The following ACVR1 variants were observed in gnomAD, a reference collection of about 807,000 sequenced individuals.
ACVR1 encodes the protein activin receptor type-1.
A neutral mutation model predicts 57.1 loss-of-function variants in ACVR1; 38 were observed. The observed-to-expected ratio is 0.67, with a 90% CI of 0.51 to 0.87. ACVR1 has a LOEUF of 0.87. ACVR1 is among the 40% of genes least tolerant of loss of function. The pLI is 0.00. For synonymous variants in ACVR1, 212 were observed against 228.1 expected (o/e 0.93, Z 0.63); for missense variants, 463 against 638.2 (o/e 0.73, Z 2.96).
intron 9 of ACVR1, among the ~76,000 whole-genome samples, chr2:157,754,968 TA>T (rs1416793240): frequency 7.9e-5 from 12 of 152,258 alleles, no homozygotes; most frequent in Admixed American, 3.3e-4. Flanking sequence ...TGCAAGTCAA[TA>T]AATGTCATAC....
chr2:157,761,425 T>C (rs1381276843), intron 8 of ACVR1, among the ~76,000 whole-genome samples: 2 of 152,198 alleles, frequency 1.3e-5, no homozygotes, highest in Non-Finnish European at 2.9e-5. Flanking sequence ...TCTAAGTGGC[T>C]TAACAAGAAG....
intron 1 of ACVR1, among the ~76,000 whole-genome samples, chr2:157,822,131 T>G (rs1253598006): frequency 6.6e-6 from 1 of 152,162 alleles, no homozygotes. Flanking sequence ...ACCAAATAAA[T>G]CAAGGTGTAT....
intron 1 of ACVR1, among the ~76,000 whole-genome samples, chr2:157,824,112 T>G (rs572534782): frequency 6.6e-6 from 1 of 152,100 alleles, no homozygotes; most frequent in African/African-American, 2.4e-5. Context: ...ATTACCAGGG[T>G]TGAATTATTA....
chr2:157,861,849 A>G (rs1488770984), intron 1 of ACVR1, among the ~76,000 whole-genome samples: 2 of 152,288 alleles, frequency 1.3e-5, no homozygotes, highest in African/African-American at 2.4e-5. Context: ...TTTAACTTCA[A>G]CTGATGTGAA....
chr2:157,866,116 T>TACTG, intron 1 of ACVR1, among the ~76,000 whole-genome samples: 1 of 152,208 alleles, frequency 6.6e-6, no homozygotes. Flanking sequence ...GAACTCATAT[T>TACTG]ACTGTGCACA....
chr2:157,855,302 G>A (rs368581537), intron 1 of ACVR1, among the ~76,000 whole-genome samples: 3,839 of 64,884 alleles, frequency 0.059, 83 homozygotes, highest in African/African-American at 0.12. Flanking sequence ...GTGTGTGTGT[G>A]TGTGTGTATA....
chr2:157,756,329 G>C (rs1428271846), intron 9 of ACVR1, among the ~76,000 whole-genome samples: 1 of 151,942 alleles, frequency 6.6e-6, no homozygotes, highest in Non-Finnish European at 1.5e-5. Context: ...TAATTAAAGA[G>C]CTTCTGCACA....
At chr2:157,844,994 A>G (rs1053655888) in intron 1 of ACVR1, among the ~76,000 whole-genome samples, 7 of 152,202 alleles carry the variant, frequency 4.6e-5, no homozygotes, top group African/African-American at 1.7e-4. Context: ...ATAAGTGTCT[A>G]TTGTTTATAA....
At chr2:157,801,720 T>C (rs537258407) in intron 2 of ACVR1, among the ~76,000 whole-genome samples, 23 of 152,366 alleles carry the variant, frequency 1.5e-4, no homozygotes, top group African/African-American at 5.3e-4. Context: ...ATGTATGTTT[T>C]ATAATATGTA....
intron 3 of ACVR1, chr2:157,790,328 G>A (rs2105293873): frequency 6.6e-6 from 1 of 152,286 alleles, no homozygotes; most frequent in South Asian, 2.1e-4. Context: ...AGCTGCCAGG[G>A]CAACCAGCTG....
At chr2:157,848,179 A>AG (rs2105362033) in intron 1 of ACVR1, among the ~76,000 whole-genome samples, 1 of 152,314 alleles carries the variant, frequency 6.6e-6, no homozygotes, top group South Asian at 2.1e-4. Flanking sequence ...TCTCATCAAG[A>AG]GGTGGGATCT....
At chr2:157,860,480 G>A (rs1689682578) in intron 1 of ACVR1, among the ~76,000 whole-genome samples, 1 of 152,322 alleles carries the variant, frequency 6.6e-6, no homozygotes, top group South Asian at 2.1e-4. Flanking sequence ...GAACACCCTA[G>A]GGATATTCCA....
At chr2:157,846,405 C>G (rs560724239) in intron 1 of ACVR1, among the ~76,000 whole-genome samples, 1 of 152,302 alleles carries the variant, frequency 6.6e-6, no homozygotes, top group African/African-American at 2.4e-5. Context: ...CTTGCTTCTC[C>G]TGAATTCTTC....
At chr2:157,828,355 C>T (rs183691317) in intron 1 of ACVR1, among the ~76,000 whole-genome samples, 3 of 144,514 alleles carry the variant, frequency 2.1e-5, no homozygotes, top group African/African-American at 7.6e-5. Context: ...GAGACTGAGG[C>T]GGGAGAATCG....
chr2:157,772,887 G>A (rs1269949063), intron 6 of ACVR1, among the ~76,000 whole-genome samples: 4 of 152,204 alleles, frequency 2.6e-5, no homozygotes, highest in African/African-American at 7.2e-5. Context: ...CCAAGCTCCC[G>A]CTGGTTACTC....
intron 3 of ACVR1, among the ~76,000 whole-genome samples, chr2:157,791,550 G>A (rs1041739514): frequency 2.6e-5 from 4 of 152,146 alleles, no homozygotes; most frequent in Non-Finnish European, 4.4e-5. Context: ...ACTGTGTGCC[G>A]GGCACTCGGC....
intron 1 of ACVR1, among the ~76,000 whole-genome samples, chr2:157,850,079 T>C (rs1034273903): frequency 3.3e-5 from 5 of 152,124 alleles, no homozygotes; most frequent in African/African-American, 7.2e-5. Flanking sequence ...AAGTAATCAC[T>C]AGATGCTTCA....
chr2:157,799,367 A>T, intron 3 of ACVR1, 60 bp downstream of exon 3: 1 of 930,666 alleles, frequency 1.1e-6, no homozygotes. Context: ...AGTTTATAGT[A>T]AGCCAAAAAA....
rs1428316354 is a variant in ACVR1 at position 157,875,956 on chromosome 2, G to A, written c.-343C>T. The A allele has an allele frequency of 6.7e-6, 1 of 149,438 alleles. No homozygotes were observed. Among genetic ancestry groups the A allele is most frequent in the Non-Finnish European group, 1.5e-5 (1 of 67,032 alleles). 9.3% of individuals were successfully genotyped at this position (149,438 alleles called of 1,614,324 possible). A position where few individuals can be genotyped will look rare whatever the true frequency, so the allele number is the denominator to read the frequency against. Reference sequence around the variant, plus strand: ...GCGGGGCCGGGAGCCGGGGGCCGAGGGCCGGCCCAGAGCGGCGGCGGCTGC... The same window carrying A: ...GCGGGGCCGGGAGCCGGGGGCCGAGAGCCGGCCCAGAGCGGCGGCGGCTGC... On this transcript the variant is annotated 5_prime_UTR_variant, in exon 1 of 11. Coordinates refer to ENST00000434821, the MANE Select transcript of ACVR1 (RefSeq NM_001111067.4).
Sources: gnomAD v4.1 joint callset for allele counts (sites outside exome capture counted in the v4.1 genomes callset) on GRCh38, gnomAD v4.1.1 for gene constraint, MANE v1.5 for transcripts, NCBI Gene and HGNC (gene_info 2026-07-23, HGNC 2026-07-21) for gene names.